TRIM2: variants seen among roughly 807,000 people sequenced by gnomAD.
TRIM2 encodes tripartite motif-containing protein 2.
Under a neutral mutation model 75.2 loss-of-function variants are expected in TRIM2, and 20 were observed. The observed-to-expected ratio is 0.27, with a 90% CI of 0.19 to 0.39. The LOEUF is 0.39. TRIM2 is among the 10% of genes least tolerant of loss of function. TRIM2 has a pLI of 1.00. For synonymous variants in TRIM2, 373 were observed against 388.3 expected (o/e 0.96, Z 0.46); for missense variants, 660 against 990.8 (o/e 0.67, Z 4.48).
chr4:153,285,779 G>A (rs1382115949), intron 3 of TRIM2, among the ~76,000 whole-genome samples: 1 of 149,494 alleles, frequency 6.7e-6, no homozygotes, highest in Non-Finnish European at 1.5e-5. Flanking sequence ...GTGTGTGTGT[G>A]TATTCTTTAG....
At chr4:153,192,107 G>A (rs1416429606) in intron 1 of TRIM2, among the ~76,000 whole-genome samples, 1 of 152,074 alleles carries the variant, frequency 6.6e-6, no homozygotes, top group African/African-American at 2.4e-5. Flanking sequence ...AAACCCCAGA[G>A]CAACAAAGAC....
intron 1 of TRIM2, among the ~76,000 whole-genome samples, chr4:153,230,173 C>A (rs1743240381): frequency 6.6e-6 from 1 of 152,086 alleles, no homozygotes; most frequent in Non-Finnish European, 1.5e-5. Flanking sequence ...ATACGTTTGC[C>A]ATCCACACTA....
intron 1 of TRIM2, among the ~76,000 whole-genome samples, chr4:153,186,644 T>C (rs1732626886): frequency 6.6e-6 from 1 of 152,198 alleles, no homozygotes; most frequent in Non-Finnish European, 1.5e-5. Flanking sequence ...TGAGGGCCCC[T>C]TTTCAAGTCT....
chr4:153,241,058 CAG>C (rs1341903438), intron 1 of TRIM2, among the ~76,000 whole-genome samples: 21 of 152,348 alleles, frequency 1.4e-4, no homozygotes, highest in Non-Finnish European at 2.2e-4. Flanking sequence ...GCCTGAGTGA[CAG>C]AGCGAGACTC....
chr4:153,171,370 G>A (rs1730829512), intron 1 of TRIM2, among the ~76,000 whole-genome samples: 1 of 152,174 alleles, frequency 6.6e-6, no homozygotes, highest in Admixed American at 6.5e-5. Context: ...CGGATCACCT[G>A]AGGTTGGGAG....
chr4:153,289,561 ACT>A (rs1230296017), intron 3 of TRIM2, among the ~76,000 whole-genome samples: 1 of 151,536 alleles, frequency 6.6e-6, no homozygotes, highest in Non-Finnish European at 1.5e-5. Flanking sequence ...ATTTTTCGCG[ACT>A]CTATATTATT....
chr4:153,195,897 C>G (rs553429751), intron 1 of TRIM2, among the ~76,000 whole-genome samples: 2 of 152,118 alleles, frequency 1.3e-5, no homozygotes, highest in East Asian at 3.9e-4. Flanking sequence ...CTGCAACCTC[C>G]GCCTCCAAGA....
upstream of TRIM2, among the ~76,000 whole-genome samples, chr4:153,203,430 CACGAA>C (rs1734653907): frequency 6.7e-6 from 1 of 148,196 alleles, no homozygotes; most frequent in Non-Finnish European, 1.5e-5. Context: ...CACACACACA[CACGAA>C]GAAGAACATA....
At chr4:153,196,103 C>G (rs1733734522) in intron 1 of TRIM2, among the ~76,000 whole-genome samples, 1 of 152,216 alleles carries the variant, frequency 6.6e-6, no homozygotes, top group Non-Finnish European at 1.5e-5. Context: ...AGCCACTGTG[C>G]CTGGCCAGAA....
rs1215460651 is a variant in TRIM2, at chr4:153,217,392, A to T, written c.30+12832A>T. Among the ~76,000 whole-genome samples the T allele has an allele frequency of 3.3e-5, 5 of 152,306 alleles. No individual in the cohort carries two copies. In the East Asian group the frequency reaches 9.6e-4, roughly 29 times the overall value. ...CGTCAGGAACAGGCAAGATTTGGAC[A>T]GGGGAAGATGAAGAAAAGGCCACCC... On this transcript the variant is annotated intron_variant, in intron 1 of 11. Coordinates refer to ENST00000338700, the MANE Select transcript of TRIM2 (RefSeq NM_015271.5).
At chr4:153,192,047 G>C (rs774459846) in intron 1 of TRIM2, among the ~76,000 whole-genome samples, 3 of 151,932 alleles carry the variant, frequency 2.0e-5, no homozygotes, top group Non-Finnish European at 2.9e-5. Flanking sequence ...CCATCTCCAC[G>C]TACCCCTTTT....
At chr4:153,182,126 G>A (rs1732127823) in intron 1 of TRIM2, among the ~76,000 whole-genome samples, 1 of 151,650 alleles carries the variant, frequency 6.6e-6, no homozygotes, top group East Asian at 1.9e-4. Context: ...AGAGAGATAA[G>A]ATGTGGTAGA....
chr4:153,265,672 A>G (rs1754828554), intron 1 of TRIM2: 1 of 152,176 alleles, frequency 6.6e-6, no homozygotes, highest in Admixed American at 6.5e-5. Flanking sequence ...GAAAATATGG[A>G]ACACTTCACA....
intron 11 of TRIM2, among the ~76,000 whole-genome samples, chr4:153,329,654 G>A (rs1485520269): frequency 2.0e-5 from 3 of 151,768 alleles, no homozygotes; most frequent in Non-Finnish European, 4.4e-5. Flanking sequence ...CGGCCAACAC[G>A]GTGTAACCCC....
rs370983139 is a variant in TRIM2, at chr4:153,280,422, A to C, written c.453+4292A>C. Among the ~76,000 whole-genome samples the C allele has an allele frequency of 9.9e-4, 127 of 128,264 alleles. 3 individuals carry two copies. In the South Asian group the frequency reaches 0.029, roughly 30 times the overall value. 84.1% of individuals were successfully genotyped at this position (128,264 alleles called of 152,430 possible). ...TTTTGCTGGGTCTCACTCTGTCACC[A>C]AGGCTAGAGTGCAAGTGGCACTATC... On this transcript the variant is annotated intron_variant, in intron 3 of 11. Transcript: ENST00000338700.
chr4:153,338,504 T>C lies in TRIM2; in HGVS notation c.*3538T>C, dbSNP rs1181818662. ...TGAAAGTGGTAATACTGTTGGTTTC[T>C]GTAAATGTTGCAGGGTTTTAAACTT... On this transcript the variant is annotated 3_prime_UTR_variant, in exon 12 of 12. Transcript: ENST00000338700. The C allele has an allele frequency of 2.0e-6, 2 of 984,982 alleles. No individual in the cohort carries two copies. Among genetic ancestry groups the C allele is most frequent in the African/African-American group, 3.5e-5 (2 of 57,212 alleles). The allele number at this position is 984,982 out of a possible 1,614,324, so 61.0% of individuals were successfully genotyped here.
At chr4:153,239,296 G>A (rs952353876) in intron 1 of TRIM2, among the ~76,000 whole-genome samples, 3 of 151,406 alleles carry the variant, frequency 2.0e-5, no homozygotes, top group Non-Finnish European at 2.9e-5. Context: ...AGCTTGCAGT[G>A]AGCCGAGATC....
In TRIM2 at chr4:153,291,754, A is replaced by T. The variant is rs540485953; in HGVS notation, c.454-1228A>T. On this transcript the variant is annotated intron_variant, in intron 3 of 11. Transcript: ENST00000338700. Reference sequence around the variant, plus strand: ...CAGGTAAGCAGATGATGTCATCATCATCATCATCATCATCCCCACAGCAGC... The same window carrying T: ...CAGGTAAGCAGATGATGTCATCATCTTCATCATCATCATCCCCACAGCAGC... Among the ~76,000 whole-genome samples, 5 of 152,274 alleles carry T rather than the reference A, an allele frequency of 3.3e-5. No individual in the cohort carries two copies. The East Asian group carries it at 9.7e-4, about 29-fold the overall frequency.
At chr4:153,282,954 AT>A (rs33993803) in intron 3 of TRIM2, among the ~76,000 whole-genome samples, 58,717 of 149,654 alleles carry the variant, frequency 0.39, 13,361 homozygotes, top group African/African-American at 0.64. Flanking sequence ...AACCTAGCTA[AT>A]TTTTTTTTTA....
Sources: gnomAD v4.1 joint callset for allele counts (sites outside exome capture counted in the v4.1 genomes callset) on GRCh38, gnomAD v4.1.1 for gene constraint, MANE v1.5 for transcripts, NCBI Gene and HGNC (gene_info 2026-07-23, HGNC 2026-07-21) for gene names.